The following STPG2 variants were observed in gnomAD, a reference collection of about 807,000 sequenced individuals.
STPG2 encodes sperm tail PG-rich repeat containing 2, also known as sperm-tail PG-rich repeat-containing protein 2.
In STPG2, 56 loss-of-function variants were observed where a neutral mutation model predicts 54.2. That is an observed-to-expected ratio of 1.03 (90% CI 0.83 to 1.29). The LOEUF is 1.29. Ranked by LOEUF, STPG2 falls within the 50% of genes most tolerant of loss-of-function variation. STPG2 has a pLI of 0.00. For synonymous variants in STPG2, 200 were observed against 181.8 expected, an observed-to-expected ratio of 1.10 and a Z score of -0.81; for missense variants, 596 against 544.9, an observed-to-expected ratio of 1.09 and a Z score of -0.93.
At chr4:97,963,463 G>C (rs1733967798) in intron 7 of STPG2, among the ~76,000 whole-genome samples, 1 of 152,004 alleles carries the variant, frequency 6.6e-6, no homozygotes, top group African/African-American at 2.4e-5. Context: ...GATCATCCTG[G>C]GCAGCAAAGT....
At chr4:97,689,585 C>T (rs575524774) in intron 10 of STPG2, among the ~76,000 whole-genome samples, 3 of 151,974 alleles carry the variant, frequency 2.0e-5, no homozygotes, top group Non-Finnish European at 4.4e-5. Flanking sequence ...AAAGTTTTTT[C>T]TCCTCTTTGG....
chr4:97,575,088 A>G (rs1447970753), intron 10 of STPG2, among the ~76,000 whole-genome samples: 1 of 152,050 alleles, frequency 6.6e-6, no homozygotes, highest in Non-Finnish European at 1.5e-5. Context: ...TGAATCACGA[A>G]GAAATCAAAA....
At chr4:97,648,435 C>G (rs981095037) in intron 10 of STPG2, among the ~76,000 whole-genome samples, 1 of 152,138 alleles carries the variant, frequency 6.6e-6, no homozygotes, top group Non-Finnish European at 1.5e-5. Context: ...AGAAAGAAAT[C>G]TTTTCCTGTC....
At chr4:97,678,645 T>G (rs1037626206) in intron 10 of STPG2, among the ~76,000 whole-genome samples, 2 of 152,032 alleles carry the variant, frequency 1.3e-5, no homozygotes, top group East Asian at 3.9e-4. Flanking sequence ...ATTATTATAC[T>G]TTAAGTTTTA....
chr4:98,064,601 A>T (rs911113676), intron 5 of STPG2, among the ~76,000 whole-genome samples: 1 of 152,226 alleles, frequency 6.6e-6, no homozygotes, highest in African/African-American at 2.4e-5. Flanking sequence ...TAGAGGATAT[A>T]CATTATATGG....
At chr4:97,815,774 G>A (rs889843587) in intron 9 of STPG2, among the ~76,000 whole-genome samples, 1 of 152,104 alleles carries the variant, frequency 6.6e-6, no homozygotes. Context: ...TGGAGATTAA[G>A]TATGGTTTAA....
intron 6 of STPG2, among the ~76,000 whole-genome samples, chr4:97,974,199 A>T (rs552211578): frequency 6.6e-6 from 1 of 152,284 alleles, no homozygotes; most frequent in South Asian, 2.1e-4. Context: ...TGGATTTCAG[A>T]CTTGCATAGG....
Position 97,724,896 on chromosome 4 carries a change from T to C in STPG2, c.1205-12082A>G, listed in dbSNP as rs562608125. Among the ~76,000 whole-genome samples the C allele has an allele frequency of 5.3e-5, 8 of 152,244 alleles. 1 individual carries two copies. The highest frequency in any genetic ancestry group is 1.9e-4 in the East Asian group (1 of 5,184). On this transcript the variant is annotated intron_variant, in intron 9 of 10. Coordinates refer to ENST00000295268, the MANE Select transcript of STPG2 (RefSeq NM_174952.3). ...ACAATAGGTATATTTAATTTAAAAA[T>C]TGCTTATGCAGGTCTTTATTCAAGT...
chr4:97,994,093 C>A (rs1313584239), intron 5 of STPG2, among the ~76,000 whole-genome samples: 2 of 151,694 alleles, frequency 1.3e-5, no homozygotes, highest in African/African-American at 4.8e-5. Flanking sequence ...TGTTTCAATT[C>A]ATTTAGTTCT....
chr4:97,665,453 T>C (rs1449612455), intron 10 of STPG2, among the ~76,000 whole-genome samples: 1 of 151,928 alleles, frequency 6.6e-6, no homozygotes, highest in Non-Finnish European at 1.5e-5. Flanking sequence ...GACCCTGGGG[T>C]GGGTAGCTCC....
At chr4:97,551,138 G>A (rs1281647858) in intron 4 of STPG2, among the ~76,000 whole-genome samples, 2 of 152,036 alleles carry the variant, frequency 1.3e-5, no homozygotes, top group Non-Finnish European at 2.9e-5. Context: ...ACAGAGTGCT[G>A]ATTGGTGCGT....
intron 10 of STPG2, among the ~76,000 whole-genome samples, chr4:97,567,211 T>TACAC (rs34172060): frequency 9.0e-5 from 13 of 145,164 alleles, no homozygotes; most frequent in Admixed American, 2.7e-4. Flanking sequence ...CACACACACA[T>TACAC]ACACACACAC....
intron 10 of STPG2, among the ~76,000 whole-genome samples, chr4:97,623,643 ATTTT>A (rs1389043351): frequency 2.0e-5 from 3 of 152,040 alleles, no homozygotes; most frequent in Non-Finnish European, 2.9e-5. Context: ...ATTTCACTTT[ATTTT>A]AAGTTGCAGG....
chr4:97,603,971 T>C (rs1007585493), intron 10 of STPG2, among the ~76,000 whole-genome samples: 8 of 151,662 alleles, frequency 5.3e-5, no homozygotes, highest in African/African-American at 1.7e-4. Context: ...AAGGGTAAAT[T>C]TTATGTTATA....
chr4:97,487,670 A>T (rs1363155397), intron 4 of STPG2, among the ~76,000 whole-genome samples: 1 of 151,424 alleles, frequency 6.6e-6, no homozygotes, highest in Non-Finnish European at 1.5e-5. Flanking sequence ...ATTAGATTCA[A>T]TAAATTATAG....
chr4:97,645,902 A>G (rs1721899211), intron 10 of STPG2, among the ~76,000 whole-genome samples: 1 of 152,196 alleles, frequency 6.6e-6, no homozygotes, highest in African/African-American at 2.4e-5. Context: ...AAAAGACAAC[A>G]CAGTATACTA....
chr4:97,673,001 G>A (rs1722744890), intron 10 of STPG2, among the ~76,000 whole-genome samples: 1 of 152,228 alleles, frequency 6.6e-6, no homozygotes. Flanking sequence ...CCTACATTGT[G>A]TACAACACAT....
intron 5 of STPG2, among the ~76,000 whole-genome samples, chr4:98,076,735 A>C (rs548677361): frequency 6.6e-6 from 1 of 152,336 alleles, no homozygotes; most frequent in South Asian, 2.1e-4. Context: ...TATAATTTTA[A>C]CAGGTATAGT....
chr4:97,967,549 A>G (rs1302516517), intron 7 of STPG2, among the ~76,000 whole-genome samples: 1 of 152,170 alleles, frequency 6.6e-6, no homozygotes, highest in African/African-American at 2.4e-5. Flanking sequence ...AATCAACAGA[A>G]TATACATTCT....
Sources: gnomAD v4.1 joint callset for allele counts (sites outside exome capture counted in the v4.1 genomes callset) on GRCh38, gnomAD v4.1.1 for gene constraint, MANE v1.5 for transcripts, NCBI Gene and HGNC (gene_info 2026-07-23, HGNC 2026-07-21) for gene names.